Variants in GALNT14 observed in about 807,000 individuals in gnomAD.
GALNT14 encodes polypeptide N-acetylgalactosaminyltransferase 14.
GALNT14 carries 60 observed loss-of-function variants against 77.5 expected under a neutral mutation model. The observed-to-expected ratio is 0.77, with a 90% CI of 0.63 to 0.96. GALNT14 has a LOEUF of 0.96. Among genes scored for constraint, GALNT14 ranks in the 40% least tolerant of loss-of-function variants. The pLI is 0.00. For missense variants in GALNT14, 710 were observed against 731.0 expected (o/e 0.97, Z 0.33); for synonymous variants, 280 against 281.7 (o/e 0.99, Z 0.06).
chr2:30,894,734 T>G, the GALNT14 span, among the ~76,000 whole-genome samples: 2 of 152,224 alleles, frequency 1.3e-5, no homozygotes, highest in South Asian at 2.1e-4. Context: ...TTGGTCTGTA[T>G]GTCTTGAAGC....
At chr2:31,000,689 T>C (rs116231284) in intron 1 of GALNT14, among the ~76,000 whole-genome samples, 1,752 of 152,292 alleles carry the variant, frequency 0.012, 45 homozygotes, top group African/African-American at 0.04. Flanking sequence ...ACTGATCGGA[T>C]GAGGCCTACG....
intron 1 of GALNT14, among the ~76,000 whole-genome samples, chr2:31,091,691 C>G (rs1172721840): frequency 3.3e-5 from 5 of 152,184 alleles, no homozygotes; most frequent in Admixed American, 6.5e-5. Flanking sequence ...TGAGGGTTTG[C>G]TCTCTGATTC....
At chr2:30,983,785 ACACACACACACACACACACACACGTATG>A (rs1343791801) in intron 2 of GALNT14, among the ~76,000 whole-genome samples, 3 of 27,126 alleles carry the variant, frequency 1.1e-4, no homozygotes, top group African/African-American at 2.6e-4. Context: ...TCAAACACAC[ACACACACACACACACACACACACGTATG>A]CACACACACA....
At chr2:31,031,651 C>T (rs1416226350) in intron 1 of GALNT14, among the ~76,000 whole-genome samples, 7 of 152,122 alleles carry the variant, frequency 4.6e-5, no homozygotes, top group Non-Finnish European at 8.8e-5. Context: ...GACACATTCA[C>T]AACACTGATC....
At chr2:31,011,886 T>C (rs1167865241) in intron 1 of GALNT14, among the ~76,000 whole-genome samples, 1 of 152,222 alleles carries the variant, frequency 6.6e-6, no homozygotes, top group Non-Finnish European at 1.5e-5. Context: ...CGCCTGGCTC[T>C]GGCTGCCATA....
intron 13 of GALNT14, among the ~76,000 whole-genome samples, chr2:30,915,925 A>G (rs28612880): frequency 0.32 from 48,123 of 152,020 alleles, 8,069 homozygotes; most frequent in African/African-American, 0.44. Flanking sequence ...GCCTTGAAGC[A>G]TGACAAGATA....
At chr2:30,996,783 G>C (rs1670063252) in intron 1 of GALNT14, among the ~76,000 whole-genome samples, 2 of 152,174 alleles carry the variant, frequency 1.3e-5, no homozygotes, top group South Asian at 4.1e-4. Flanking sequence ...AGTCATGGAA[G>C]GTGTCCTCGG....
chr2:31,084,817 G>A (rs1424760925), intron 1 of GALNT14, among the ~76,000 whole-genome samples: 1 of 152,160 alleles, frequency 6.6e-6, no homozygotes, highest in African/African-American at 2.4e-5. Flanking sequence ...CTGAGGTCAG[G>A]AGTTCGAGAC....
intron 1 of GALNT14, among the ~76,000 whole-genome samples, chr2:31,049,527 G>A (rs1673704215): frequency 6.6e-6 from 1 of 152,194 alleles, no homozygotes; most frequent in Non-Finnish European, 1.5e-5. Flanking sequence ...AAGCTCAACT[G>A]CTGGCCCTCA....
At chr2:31,025,338 A>T (rs1416444344) in intron 1 of GALNT14, among the ~76,000 whole-genome samples, 2 of 152,166 alleles carry the variant, frequency 1.3e-5, no homozygotes, top group Non-Finnish European at 2.9e-5. Context: ...ACCCATGAGC[A>T]GGGTCTGGAT....
intron 6 of GALNT14, among the ~76,000 whole-genome samples, chr2:30,952,667 G>A (rs965956196): frequency 5.4e-5 from 8 of 148,370 alleles, no homozygotes; most frequent in Admixed American, 3.4e-4. Flanking sequence ...GCTAGATGAC[G>A]AGTTAGTGGG....
At chr2:31,130,893 AT>A (rs1462642285) in intron 1 of GALNT14, among the ~76,000 whole-genome samples, 1 of 152,008 alleles carries the variant, frequency 6.6e-6, no homozygotes, top group Non-Finnish European at 1.5e-5. Context: ...ACTGAGACTG[AT>A]TTATTTTTTG....
downstream of GALNT14, among the ~76,000 whole-genome samples, chr2:30,908,350 T>G (rs1572946370): frequency 6.6e-6 from 1 of 152,028 alleles, no homozygotes; most frequent in South Asian, 2.1e-4. Context: ...GATAAGCAAC[T>G]TCAGCAAAGT....
chr2:31,035,618 TACACACACACACACACACACACACAC>T (rs530565205), intron 1 of GALNT14, among the ~76,000 whole-genome samples: 1 of 51,240 alleles, frequency 2.0e-5, no homozygotes, highest in Non-Finnish European at 3.9e-5. Context: ...CACACACACC[TACACACACACACACACACACACACAC>T]ACACACACAC....
intron 1 of GALNT14, among the ~76,000 whole-genome samples, chr2:31,023,163 A>G (rs1671827218): frequency 7.8e-6 from 1 of 127,686 alleles, no homozygotes; most frequent in Non-Finnish European, 1.8e-5. Context: ...ACAAAAACAA[A>G]AACAAAAACA....
At chr2:31,015,989 A>C (rs1671325481) in intron 1 of GALNT14, among the ~76,000 whole-genome samples, 1 of 152,196 alleles carries the variant, frequency 6.6e-6, no homozygotes. Context: ...AGGAGGAAGG[A>C]GATGATGAGA....
At chr2:31,103,166 T>C (rs931279907) in intron 1 of GALNT14, among the ~76,000 whole-genome samples, 4 of 102,484 alleles carry the variant, frequency 3.9e-5, no homozygotes, top group African/African-American at 2.1e-4. Flanking sequence ...TTATGTCTTC[T>C]GGGTTTCTTG....
At chr2:30,901,561 C>A in the GALNT14 span, among the ~76,000 whole-genome samples, 4 of 150,556 alleles carry the variant, frequency 2.7e-5, no homozygotes, top group African/African-American at 9.8e-5. Context: ...TATGTATATG[C>A]TCATATATGT....
At chr2:31,115,022 G>A (rs1678038066) in intron 1 of GALNT14, among the ~76,000 whole-genome samples, 6 of 152,154 alleles carry the variant, frequency 3.9e-5, no homozygotes, top group Admixed American at 3.9e-4. Flanking sequence ...CGAGGCAGGA[G>A]GACCACTTGA....
Sources: allele counts gnomAD v4.1 joint callset (sites outside exome capture counted in the v4.1 genomes callset), GRCh38; gene constraint gnomAD v4.1.1; transcripts MANE v1.5; gene names NCBI Gene and HGNC (gene_info 2026-07-23, HGNC 2026-07-21).